The following MDGA2 variants were observed in gnomAD, a reference collection of about 807,000 sequenced individuals.
MDGA2 encodes the protein MAM domain containing glycosylphosphatidylinositol anchor 2, also known as MAM domain-containing glycosylphosphatidylinositol anchor protein 2.
Under a neutral mutation model 117.8 loss-of-function variants are expected in MDGA2, and 40 were observed. That is an observed-to-expected ratio of 0.34 (90% CI 0.26 to 0.44). The LOEUF (loss-of-function observed/expected upper bound fraction) is 0.44, where lower values mean the gene tolerates loss of function less well. MDGA2 is among the 20% of genes least tolerant of loss of function. The pLI is 1.00. For missense variants in MDGA2, 1,123 were observed against 1,250.6 expected, an observed-to-expected ratio of 0.90 and a Z score of 1.54; for synonymous variants, 452 against 439.0, an observed-to-expected ratio of 1.03 and a Z score of -0.37.
chr14:47,030,128 A>G (rs1888610476), intron 8 of MDGA2, among the ~76,000 whole-genome samples: 1 of 152,160 alleles, frequency 6.6e-6, no homozygotes, highest in Non-Finnish European at 1.5e-5. Flanking sequence ...CCGCCCACAT[A>G]TCCTGGTTTC....
At chr14:46,899,291 G>T (rs1883195912) in intron 10 of MDGA2, among the ~76,000 whole-genome samples, 2 of 151,934 alleles carry the variant, frequency 1.3e-5, no homozygotes, top group African/African-American at 2.4e-5. Flanking sequence ...ACATGTGAAG[G>T]AGTCTTTTCA....
chr14:47,285,548 GT>G (rs1209193611), intron 2 of MDGA2, among the ~76,000 whole-genome samples: 1 of 152,116 alleles, frequency 6.6e-6, no homozygotes, highest in Non-Finnish European at 1.5e-5. Flanking sequence ...GTTGTCAAAA[GT>G]AATGTAGAGG....
intron 6 of MDGA2, among the ~76,000 whole-genome samples, chr14:47,081,524 T>C (rs1317831656): frequency 2.0e-5 from 3 of 152,134 alleles, no homozygotes; most frequent in Non-Finnish European, 4.4e-5. Flanking sequence ...GCAGAGAATT[T>C]AGACACATGT....
At chr14:47,314,445 A>G (rs1017353548) in intron 1 of MDGA2, among the ~76,000 whole-genome samples, 1 of 152,146 alleles carries the variant, frequency 6.6e-6, no homozygotes, top group Non-Finnish European at 1.5e-5. Context: ...TTGGAAGCTG[A>G]GGCAGGAGGA....
intron 1 of MDGA2, among the ~76,000 whole-genome samples, chr14:47,372,931 A>T (rs1287939280): frequency 6.6e-6 from 1 of 151,994 alleles, no homozygotes; most frequent in East Asian, 1.9e-4. Flanking sequence ...GCCTAGAGGA[A>T]AACTCATGGT....
At chr14:47,567,045 C>T (rs1895933130) in intron 1 of MDGA2, among the ~76,000 whole-genome samples, 2 of 151,836 alleles carry the variant, frequency 1.3e-5, no homozygotes, top group East Asian at 3.9e-4. Flanking sequence ...AATCAGACTA[C>T]AGGCATGTGC....
chr14:46,904,451 AG>A (rs1375675338), intron 10 of MDGA2, among the ~76,000 whole-genome samples: 3 of 152,094 alleles, frequency 2.0e-5, no homozygotes, highest in Admixed American at 2.0e-4. Context: ...CATTAATAGC[AG>A]AAGTGCTAAT....
At chr14:47,261,269 T>C (rs1301585223) in intron 2 of MDGA2, among the ~76,000 whole-genome samples, 3 of 152,088 alleles carry the variant, frequency 2.0e-5, no homozygotes, top group South Asian at 2.1e-4. Context: ...AAAAGCCAAA[T>C]TGGAACAGAA....
At chr14:47,382,708 G>A (rs1389905995) in intron 1 of MDGA2, among the ~76,000 whole-genome samples, 1 of 152,166 alleles carries the variant, frequency 6.6e-6, no homozygotes, top group Non-Finnish European at 1.5e-5. Context: ...GAAACAACAG[G>A]TGCTGGAGAG....
chr14:47,361,925 C>T (rs1370323914), intron 1 of MDGA2, among the ~76,000 whole-genome samples: 1 of 152,148 alleles, frequency 6.6e-6, no homozygotes, highest in Non-Finnish European at 1.5e-5. Flanking sequence ...CTATCCTTCA[C>T]TTTTATTTTG....
chr14:47,012,713 G>A (rs1275704350), intron 8 of MDGA2, among the ~76,000 whole-genome samples: 1 of 151,838 alleles, frequency 6.6e-6, no homozygotes, highest in African/African-American at 2.4e-5. Flanking sequence ...TCATATTTCA[G>A]TGGGAAGTTT....
intron 1 of MDGA2, among the ~76,000 whole-genome samples, chr14:47,513,639 A>AAC (rs1181201073): frequency 1.3e-5 from 2 of 152,104 alleles, no homozygotes; most frequent in East Asian, 3.9e-4. Context: ...TCACAATGTA[A>AAC]ACATTTCTTC....
intron 3 of MDGA2, among the ~76,000 whole-genome samples, chr14:47,155,891 T>C (rs200688240): frequency 0.017 from 171 of 10,356 alleles, no homozygotes; most frequent in South Asian, 0.057. Flanking sequence ...TCTTCTTCTT[T>C]TTTTTTTTTT....
At chr14:46,997,660 G>C (rs1265369616) in intron 8 of MDGA2, among the ~76,000 whole-genome samples, 2 of 151,964 alleles carry the variant, frequency 1.3e-5, no homozygotes, top group Non-Finnish European at 2.9e-5. Context: ...TCACTTTTTT[G>C]TTGTTACTGC....
intron 8 of MDGA2, among the ~76,000 whole-genome samples, chr14:47,019,846 A>C (rs1390932881): frequency 6.6e-6 from 1 of 152,086 alleles, no homozygotes; most frequent in East Asian, 1.9e-4. Flanking sequence ...CTCAAAAAAA[A>C]AAAAAAAAAA....
At chr14:47,433,797 A>G (rs4900760) in intron 1 of MDGA2, among the ~76,000 whole-genome samples, 35,256 of 152,092 alleles carry the variant, frequency 0.23, 4,992 homozygotes, top group East Asian at 0.54. Context: ...CTATTTAAAT[A>G]TCTCATCTAG....
At chr14:46,990,409 TTG>T (rs1189199137) in intron 8 of MDGA2, among the ~76,000 whole-genome samples, 1 of 152,060 alleles carries the variant, frequency 6.6e-6, no homozygotes, top group Non-Finnish European at 1.5e-5. Flanking sequence ...ATAGTAAAAT[TTG>T]TTTAAAAATT....
chr14:47,133,123 A>T (rs953896262), intron 4 of MDGA2, among the ~76,000 whole-genome samples: 2 of 150,986 alleles, frequency 1.3e-5, no homozygotes, highest in African/African-American at 4.9e-5. Flanking sequence ...AAAAAAAAAC[A>T]AACAAACAAA....
chr14:47,200,293 G>T (rs1402183973), intron 3 of MDGA2, among the ~76,000 whole-genome samples: 1 of 151,854 alleles, frequency 6.6e-6, no homozygotes, highest in East Asian at 1.9e-4. Context: ...GAAGTAAAAT[G>T]TAATCAAATA....
Sources: allele counts gnomAD v4.1 joint callset (sites outside exome capture counted in the v4.1 genomes callset), GRCh38; gene constraint gnomAD v4.1.1; transcripts MANE v1.5; gene names NCBI Gene and HGNC (gene_info 2026-07-23, HGNC 2026-07-21).